COL22A1: variants seen among roughly 807,000 people sequenced by gnomAD.
The protein encoded by COL22A1 is collagen alpha-1(XXII) chain.
In COL22A1, 221 loss-of-function variants were observed where a neutral mutation model predicts 248.9. The ratio of observed to expected loss-of-function variants is 0.89; its 90% CI spans 0.80 to 0.99. COL22A1 has a LOEUF of 0.99. Ranked by LOEUF, COL22A1 falls within the 50% of genes least tolerant of loss-of-function variation. The pLI, the probability that COL22A1 is intolerant of heterozygous loss-of-function variation, is 0.00. For missense variants in COL22A1, 2,240 were observed against 2,179.0 expected (o/e 1.03, Z -0.56); for synonymous variants, 891 against 793.4 (o/e 1.12, Z -2.07).
At position 138,811,884 on chromosome 8, in the gene COL22A1, G is replaced by A; in HGVS notation, c.1364C>T (p.Pro455Leu). 1 of 1,564,576 alleles carries A rather than the reference G, an allele frequency of 6.4e-7. No homozygotes were observed. Residue 455 changes from proline (P) to leucine (L), a missense_variant, in exon 9 of 65, where the codon CCC becomes CTC. By Grantham distance (98) the Pro-to-Leu change is moderately conservative. Transcript: ENST00000303045. ...TGGGGTGGGAGGCCGCTGGGGTGGG[G>A]GTGGAGGTGGAGGCTCTGTCACCAC... Reference protein sequence around the residue: ...VTVVTEPPPPPPPQRPPTPGS... With the variant: ...VTVVTEPPPPLPPQRPPTPGS...
Position 138,762,461 on chromosome 8 carries a change from C to A in COL22A1, c.1809G>T (p.Glu603Asp). Residue 603 changes from glutamate to aspartate, a missense_variant, in exon 17 of 65, where the codon GAG becomes GAT. Coordinates refer to ENST00000303045, the MANE Select transcript of COL22A1 (RefSeq NM_152888.3). ...GEKGTRGEKG[E>D]RGLDGFPGKP... is the part of the protein sequence containing the mutation. ...TCCCAGGGAATCCATCCAGGCCTCG[C>A]TCTCCCTGGCAAAAGAAGGCAAATG... 1 of 1,614,150 alleles carries A rather than the reference C, an allele frequency of 6.2e-7. No individual in the cohort carries two copies. The highest frequency in any genetic ancestry group is 8.5e-7 in the Non-Finnish European group (1 of 1,180,004).
intron 6 of COL22A1, 113 bp downstream of exon 6, chr8:138,826,545 T>A: frequency 8.6e-7 from 1 of 1,160,126 alleles, no homozygotes; most frequent in Non-Finnish European, 1.2e-6. Context: ...GCTCTCTATC[T>A]CTCTAGGCCC....
chr8:138,767,319 G>T (rs1184732213), intron 16 of COL22A1, among the ~76,000 whole-genome samples: 5 of 152,146 alleles, frequency 3.3e-5, no homozygotes, highest in African/African-American at 1.2e-4. Context: ...CAGGGGAACA[G>T]CAGAGGAGGG....
chr8:138,886,800 T>G (rs1191971514), intron 1 of COL22A1, among the ~76,000 whole-genome samples: 3 of 152,224 alleles, frequency 2.0e-5, no homozygotes, highest in African/African-American at 7.2e-5. Context: ...GGGATTAAAG[T>G]CTCAGCTGTG....
rs143867721 is a variant in COL22A1 at position 138,815,418 on chromosome 8, G to A, written c.1246-2399C>T. ...GTATCAGAGCTGTCGACAATCTCTC[G>A]CTCTCCCCAGGCCCTGCAGGACATG... On this transcript the variant is annotated intron_variant, in intron 7 of 64. Coordinates refer to ENST00000303045, the MANE Select transcript of COL22A1 (RefSeq NM_152888.3). Among the ~76,000 whole-genome samples the A allele has an allele frequency of 4.7e-3, 715 of 152,106 alleles. 3 individuals are homozygous for A. The highest frequency in any genetic ancestry group is 7.2e-3 in the Non-Finnish European group (490 of 68,002).
At chr8:138,775,680 C>CCCTAAACT (rs1814378174) in intron 16 of COL22A1, among the ~76,000 whole-genome samples, 1 of 152,266 alleles carries the variant, frequency 6.6e-6, no homozygotes, top group South Asian at 2.1e-4. Flanking sequence ...GGTCTGGAAA[C>CCCTAAACT]CCTAAACTCC....
At chr8:138,653,757 G>A (rs1256272013) in intron 45 of COL22A1, among the ~76,000 whole-genome samples, 2 of 152,152 alleles carry the variant, frequency 1.3e-5, no homozygotes, top group African/African-American at 2.4e-5. Flanking sequence ...CTCAGCAGGG[G>A]AGACATCTGC....
At position 138,722,025 on chromosome 8, in the gene COL22A1, C is replaced by T. The variant is rs746226527; in HGVS notation, c.2301+11G>A. ...GTTCCCAAACTGGTGCCAACCGCAT[C>T]AGTGACCAACCTTGGTTCCTGGCGG... On this transcript the variant is annotated intron_variant, in intron 26 of 64. Transcript: ENST00000303045. The T allele has an allele frequency of 6.4e-7, 1 of 1,567,702 alleles. No individual in the cohort carries two copies. The highest frequency in any genetic ancestry group is 2.3e-5 in the East Asian group (1 of 43,114).
At chr8:138,904,600 C>A (rs1814871150) in intron 1 of COL22A1, among the ~76,000 whole-genome samples, 1 of 142,408 alleles carries the variant, frequency 7.0e-6, no homozygotes, top group Non-Finnish European at 1.5e-5. Flanking sequence ...GTATTGAATT[C>A]TTCCCAATTT....
At chr8:138,782,851 G>A (rs925123443) in intron 12 of COL22A1, among the ~76,000 whole-genome samples, 7 of 152,188 alleles carry the variant, frequency 4.6e-5, no homozygotes, top group Admixed American at 1.3e-4. Flanking sequence ...CCCCACCAGC[G>A]CACCTGTGGC....
intron 37 of COL22A1, among the ~76,000 whole-genome samples, chr8:138,686,104 T>C (rs1354370413): frequency 6.6e-6 from 1 of 152,182 alleles, no homozygotes; most frequent in Non-Finnish European, 1.5e-5. Context: ...CATTGGACAC[T>C]AAGTCTGTTC....
Position 138,826,727 on chromosome 8 carries a change from C to T in COL22A1, c.900G>A (p.Arg300=), listed in dbSNP as rs1378680669. 6.2e-7 allele frequency: 1 copy of T among 1,614,012 alleles called. No homozygotes were observed. Among genetic ancestry groups the T allele is most frequent in the Non-Finnish European group, 8.5e-7 (1 of 1,179,938 alleles). The part of the protein sequence containing the change: ...PDEYAFVTTF[R]FRKTSRKEDW... ...CTTCCTTCCGAGAGGTTTTCCTGAA[C>T]CGGAAGGTTGTGACAAAGGCGTACT... Residue 300 remains arginine (R), a synonymous_variant, in exon 6 of 65, where the codon CGG becomes CGA. Transcript: ENST00000303045.
At chr8:138,640,945 C>A (rs925641340) in intron 47 of COL22A1, among the ~76,000 whole-genome samples, 1 of 152,170 alleles carries the variant, frequency 6.6e-6, no homozygotes, top group Non-Finnish European at 1.5e-5. Flanking sequence ...CAGGCCTGTG[C>A]CCACAGGCCT....
chr8:138,592,774 TTTTATC>T (rs1275103330), intron 63 of COL22A1, among the ~76,000 whole-genome samples: 1 of 152,196 alleles, frequency 6.6e-6, no homozygotes, highest in Non-Finnish European at 1.5e-5. Context: ...GTCTCCTGTC[TTTTATC>T]TTTATTTGAA....
intron 18 of COL22A1, among the ~76,000 whole-genome samples, chr8:138,758,850 A>G (rs1021369496): frequency 1.3e-5 from 2 of 152,192 alleles, no homozygotes; most frequent in Non-Finnish European, 2.9e-5. Flanking sequence ...CAGTTTCCCA[A>G]ATATGAAGGG....
Position 138,812,940 on chromosome 8 carries a change from G to A in COL22A1, c.1325C>T (p.Pro442Leu), listed in dbSNP as rs1455834535. Residue 442 changes from proline (P) to leucine (L), a missense_variant and splice_region_variant, in exon 8 of 65, where the codon CCG (proline) becomes CTG (leucine). Transcript: ENST00000303045. ...CTCTCTGTGCGAGAGTCTGCTCACC[G>A]GACCCGAGGGGATATCACAACAAGT... ...LETCCDIPSG[P>L]CQVTVVTEPP... 13 of 1,611,626 alleles carry A rather than the reference G, an allele frequency of 8.1e-6. No homozygotes were observed. The highest frequency in any genetic ancestry group is 2.2e-5 in the East Asian group (1 of 44,840).
intron 5 of COL22A1, chr8:138,827,295 G>T (rs917146549): frequency 6.9e-5 from 11 of 159,880 alleles, no homozygotes; most frequent in African/African-American, 1.4e-4. Flanking sequence ...ATGGGGTTTT[G>T]GTGGCGGGTG....
intron 49 of COL22A1, among the ~76,000 whole-genome samples, chr8:138,631,987 A>G (rs62527864): frequency 0.1 from 15,951 of 152,246 alleles, 1,919 homozygotes; most frequent in African/African-American, 0.29. Flanking sequence ...GAATAAATGA[A>G]TGAATTAGAA....
chr8:138,757,042 C>T (rs1183318916), intron 18 of COL22A1, among the ~76,000 whole-genome samples: 1 of 152,210 alleles, frequency 6.6e-6, no homozygotes, highest in African/African-American at 2.4e-5. Flanking sequence ...CCCCTGCACA[C>T]ACGTGCACAC....
Sources: allele counts gnomAD v4.1 joint callset (sites outside exome capture counted in the v4.1 genomes callset), GRCh38; gene constraint gnomAD v4.1.1; transcripts MANE v1.5; gene names NCBI Gene and HGNC (gene_info 2026-07-23, HGNC 2026-07-21).